The following PTH1R variants were observed in gnomAD, a reference collection of about 807,000 sequenced individuals.
The protein encoded by PTH1R is parathyroid hormone/parathyroid hormone-related peptide receptor.
Under a neutral mutation model 70.7 loss-of-function variants are expected in PTH1R, and 32 were observed. The observed-to-expected ratio is 0.45, with a 90% CI of 0.34 to 0.61. PTH1R has a LOEUF of 0.61. PTH1R is among the 20% of genes least tolerant of loss of function. The pLI is 0.01. For synonymous variants in PTH1R, 329 were observed against 324.8 expected (o/e 1.01, Z -0.14); for missense variants, 626 against 792.5 (o/e 0.79, Z 2.52).
Position 46,882,799 on chromosome 3 carries a change from C to A in PTH1R, c.-48-713C>A, listed in dbSNP as rs2030699191. On this transcript the variant is annotated intron_variant, in intron 2 of 15. Transcript: ENST00000449590. The surrounding 1 kb of genome is among the most constrained non-coding windows in gnomAD (Gnocchi z 4.3). ...GACAGAGCGTCGGGGCCGCTGCGCGCCCGAGCCGCACAGGCGCAAGCGGGG... is the reference window on the plus strand; with the variant it reads ...GACAGAGCGTCGGGGCCGCTGCGCGACCGAGCCGCACAGGCGCAAGCGGGG... Among the ~76,000 whole-genome samples the A allele has an allele frequency of 6.6e-6, 1 of 152,012 alleles. No homozygotes were observed. Among genetic ancestry groups the A allele is most frequent in the South Asian group, 2.1e-4 (1 of 4,830 alleles).
At chr3:46,888,166 A>G (rs1261598583) in intron 3 of PTH1R, among the ~76,000 whole-genome samples, 2 of 152,166 alleles carry the variant, frequency 1.3e-5, no homozygotes, top group East Asian at 1.9e-4. Flanking sequence ...ATAGGTGAAA[A>G]TGGTGTCTCT....
Position 46,902,826 on chromosome 3 carries a change from G to A in PTH1R, c.1395+36G>A. ...GACAGTGTTGGCATAGGGCAGGGTGGGGCAGATACCCCAGAGGCTTCCTCA... is the reference window on the plus strand; with the variant it reads ...GACAGTGTTGGCATAGGGCAGGGTGAGGCAGATACCCCAGAGGCTTCCTCA... On this transcript the variant is annotated intron_variant, in intron 15 of 15. Coordinates refer to ENST00000449590, the MANE Select transcript of PTH1R (RefSeq NM_000316.3). The surrounding 1 kb of genome is among the most constrained non-coding windows in gnomAD (Gnocchi z 5.4). The A allele has an allele frequency of 6.2e-7, 1 of 1,612,586 alleles. No homozygotes were observed. Among genetic ancestry groups the A allele is most frequent in the Non-Finnish European group, 8.5e-7 (1 of 1,179,368 alleles).
Position 46,901,455 on chromosome 3 carries a change from AG to A in PTH1R, c.1093del (p.Val365CysfsTer141), listed in dbSNP as rs1304201852. On this transcript the variant is annotated frameshift_variant, in exon 12 of 16. Coordinates refer to ENST00000449590, the MANE Select transcript of PTH1R (RefSeq NM_000316.3). LOFTEE classifies it high-confidence loss of function. This position sits in a 1 kb window ranked among gnomAD's most constrained non-coding sequence, Gnocchi z 7.3. Reference protein sequence around the residue: ...LSSGNKKWIIQVPILASIVLN... With the variant: ...LSSGNKKWIIXVPILASIVLN... Reference sequence around the variant, plus strand: ...TCCGGGAACAAAAAGTGGATCATCCAGGTGCCCATCCTGGCCTCCATTGTGG... The same window carrying A: ...TCCGGGAACAAAAAGTGGATCATCCAGTGCCCATCCTGGCCTCCATTGTGG... The A allele has an allele frequency of 5.7e-6, 9 of 1,575,500 alleles. No homozygotes were observed. The highest frequency in any genetic ancestry group is 7.8e-6 in the Non-Finnish European group (9 of 1,159,870).
At chr3:46,887,959 A>G (rs7651753) in intron 3 of PTH1R, among the ~76,000 whole-genome samples, 10,162 of 152,162 alleles carry the variant, frequency 0.067, 706 homozygotes, top group African/African-American at 0.18. Flanking sequence ...TCCTAGTAGG[A>G]TATTTCTAGA....
rs961915526 is a variant in PTH1R, at chr3:46,903,778, A to AG, written c.*122_*123insG. 2.4e-4 allele frequency: 357 copies of AG among 1,501,566 alleles called. No individual in the cohort carries two copies. The highest frequency in any genetic ancestry group is 3.0e-4 in the Non-Finnish European group (333 of 1,119,648). The allele number at this position is 1,501,566 out of a possible 1,614,324, so 93.0% of individuals were successfully genotyped here. A position where few individuals can be genotyped will look rare whatever the true frequency, so the allele number is the denominator to read the frequency against. On this transcript the variant is annotated 3_prime_UTR_variant, in exon 16 of 16. Transcript: ENST00000449590. The surrounding 1 kb of genome is among the most constrained non-coding windows in gnomAD (Gnocchi z 4.4). The stretch of plus-strand genomic sequence containing the variant: ...AGGAAAAACAGGGAAAAAAAGAAAA[A>AG]AAAAAGAAAAAGGAAAAGGAAGCGG...
In PTH1R at chr3:46,893,943, A is replaced by G; in HGVS notation, c.112A>G (p.Ile38Val). 1 of 1,614,074 alleles carries G rather than the reference A, an allele frequency of 6.2e-7. No individual in the cohort carries two copies. The highest frequency in any genetic ancestry group is 2.2e-5 in the East Asian group (1 of 44,880). ...TGACGTCATGACTAAAGAGGAACAG[A>G]TCTTCCTGCTGCACCGTGCTCAGGC... ...ADDVMTKEEQ[I>V]FLLHRAQAQC... Residue 38 changes from isoleucine to valine, a missense_variant, in exon 4 of 16, where the codon ATC (isoleucine) becomes GTC (valine). Ile to Val is a conservative substitution (Grantham distance 29). Coordinates refer to ENST00000449590, the MANE Select transcript of PTH1R (RefSeq NM_000316.3). The surrounding 1 kb of genome is among the most constrained non-coding windows in gnomAD (Gnocchi z 5.2).
At chr3:46,881,177 A>T (rs1215042284) in intron 2 of PTH1R, 59 bp downstream of exon 2, 2 of 152,278 alleles carry the variant, frequency 1.3e-5, no homozygotes, top group African/African-American at 4.8e-5. Context: ...GGCCTCATGC[A>T]TTCGCTTCCT....
intron 4 of PTH1R, 46 bp from the exon 5 acceptor site, chr3:46,895,689 G>A: frequency 1.2e-6 from 2 of 1,613,648 alleles, no homozygotes; most frequent in Non-Finnish European, 8.5e-7. Flanking sequence ...TGGGTCTCCT[G>A]TTGTAGCACA....
chr3:46,899,402 A>G lies in PTH1R; in HGVS notation c.934A>G (p.Met312Val). The change falls in exon 10 of 16, where the codon ATG becomes GTG. Residue 312 changes from methionine (M) to valine (V), a missense_variant. Physicochemically the swap from Met to Val is conservative, Grantham distance 21 (BLOSUM62 1). Transcript: ENST00000449590. ...EGLYLHSLIF[M>V]AFFSEKKYLW... ...GCTGTACCTGCACAGCCTCATCTTC[A>G]TGGCCTTCTTCTCAGAGAAGAAGTA... The G allele has an allele frequency of 6.2e-7, 1 of 1,613,796 alleles. No individual in the cohort carries two copies. Among genetic ancestry groups the G allele is most frequent in the Non-Finnish European group, 8.5e-7 (1 of 1,180,010 alleles).
Position 46,901,817 on chromosome 3 carries a change from C to T in PTH1R, c.1168C>T (p.Arg390Trp), listed in dbSNP as rs199627585. 31 of 1,613,958 alleles carry T rather than the reference C, an allele frequency of 1.9e-5. No homozygotes were observed. The highest frequency in any genetic ancestry group is 8.8e-5 in the South Asian group (8 of 91,090). ...CGTCCGGGTGCTCGCCACCAAGCTG[C>T]GGGAGACCAACGCCGGCCGGTGTGA... ...NIVRVLATKL[R>W]ETNAGRCDTR... The change falls in exon 13 of 16, where the codon CGG (arginine) becomes TGG (tryptophan). Residue 390 changes from arginine to tryptophan, a missense_variant. Physicochemically the swap from Arg to Trp is moderately radical, Grantham distance 101. This residue lies in a region of PTH1R where 495 missense variants were observed against 638.7 expected (regional missense o/e 0.77). Transcript: ENST00000449590. The surrounding 1 kb of genome is among the most constrained non-coding windows in gnomAD (Gnocchi z 7.3).
chr3:46,886,413 A>G (rs2031024057), intron 3 of PTH1R, among the ~76,000 whole-genome samples: 1 of 152,084 alleles, frequency 6.6e-6, no homozygotes, highest in South Asian at 2.1e-4. Flanking sequence ...GCTGGAGTGC[A>G]GTAGTGCGAT....
In PTH1R at chr3:46,902,171, G is replaced by A. The variant is rs1182713453; in HGVS notation, c.1211+311G>A. Among the ~76,000 whole-genome samples the A allele has an allele frequency of 6.6e-6, 1 of 152,212 alleles. No individual in the cohort carries two copies. Among genetic ancestry groups the A allele is most frequent in the African/African-American group, 2.4e-5 (1 of 41,454 alleles). On this transcript the variant is annotated intron_variant, in intron 13 of 15. Transcript: ENST00000449590. The surrounding 1 kb of genome is among the most constrained non-coding windows in gnomAD (Gnocchi z 5.4). The stretch of plus-strand genomic sequence containing the variant: ...GGTCTGAGGAACAGGTAGGCGGTGA[G>A]TGGCCCCGGGAAGGCTGCAGCTCAG...
At chr3:46,885,467 C>T (rs1013610167) in intron 3 of PTH1R, among the ~76,000 whole-genome samples, 4 of 152,168 alleles carry the variant, frequency 2.6e-5, no homozygotes, top group South Asian at 2.1e-4. Context: ...TTAACTGGCC[C>T]GAATCACACA....
At position 46,899,471 on chromosome 3, in the gene PTH1R, C is replaced by G; in HGVS notation, c.988+15C>G. 6.2e-7 allele frequency: 1 copy of G among 1,606,538 alleles called. No homozygotes were observed. The highest frequency in any genetic ancestry group is 8.5e-7 in the Non-Finnish European group (1 of 1,176,118). ...CTTCGGCTGGGGTACGCGGGCACAG[C>G]GGGTAGCGAGGTGCCGGCAGGGGTG... is the stretch of plus-strand genomic sequence containing the variant. On this transcript the variant is annotated intron_variant, in intron 10 of 15. Coordinates refer to ENST00000449590, the MANE Select transcript of PTH1R (RefSeq NM_000316.3).
rs200103092 is a variant in PTH1R at position 46,903,554 on chromosome 3, C to T, written c.1680C>T (p.Asp560=). Residue 560 remains aspartate, a synonymous_variant, in exon 16 of 16, where the codon GAC becomes GAT. Transcript: ENST00000449590. This position sits in a 1 kb window ranked among gnomAD's most constrained non-coding sequence, Gnocchi z 4.4. ...CACCTGCCATGGCTGCTCCCAAGGA[C>T]GATGGGTTCCTCAACGGCTCCTGCT... ...TTPPAMAAPK[D]DGFLNGSCSG... 31 of 1,613,870 alleles carry T rather than the reference C, an allele frequency of 1.9e-5. No homozygotes were observed. Among genetic ancestry groups the T allele is most frequent in the Middle Eastern group, 1.6e-4 (1 of 6,084 alleles).
Position 46,898,530 on chromosome 3 carries a change from G to T in PTH1R, c.638+58G>T. 6 of 1,604,366 alleles carry T rather than the reference G, an allele frequency of 3.7e-6. 1 individual carries two copies. The South Asian group carries it at 6.6e-5, about 18-fold the overall frequency. ...TGGTGGAGGGGGGGCGGTGGCCGAG[G>T]TCTGATGCGACCCCCTCCCTGCACC... On this transcript the variant is annotated intron_variant, in intron 8 of 15. Coordinates refer to ENST00000449590, the MANE Select transcript of PTH1R (RefSeq NM_000316.3).
rs899681847 is a variant in PTH1R at position 46,882,973 on chromosome 3, C to G, written c.-48-539C>G. ...GATCGCACCCCCTAACTGCACGCCC[C>G]GCGCGGCTCAGAACGCGCCCCCTGC... On this transcript the variant is annotated intron_variant, in intron 2 of 15. Coordinates refer to ENST00000449590, the MANE Select transcript of PTH1R (RefSeq NM_000316.3). The surrounding 1 kb of genome is among the most constrained non-coding windows in gnomAD (Gnocchi z 4.3). Among the ~76,000 whole-genome samples the G allele has an allele frequency of 1.3e-5, 2 of 151,888 alleles. No individual in the cohort carries two copies. The highest frequency in any genetic ancestry group is 2.9e-5 in the Non-Finnish European group (2 of 67,926).
chr3:46,879,485 G>A lies in PTH1R; in HGVS notation c.-105-1577G>A, dbSNP rs1437643423. ...AGGCCAGGTGCGGTGGTTCATGCCT[G>A]TAATCCCAGCACTTTGGGAGGCCGA... On this transcript the variant is annotated intron_variant, in intron 1 of 15. Coordinates refer to ENST00000449590, the MANE Select transcript of PTH1R (RefSeq NM_000316.3). This position sits in a 1 kb window ranked among gnomAD's most constrained non-coding sequence, Gnocchi z 4.7. Among the ~76,000 whole-genome samples, 2 of 152,198 alleles carry A rather than the reference G, an allele frequency of 1.3e-5. No homozygotes were observed. The highest frequency in any genetic ancestry group is 2.9e-5 in the Non-Finnish European group (2 of 68,038).
intron 4 of PTH1R, 81 bp from the exon 5 acceptor site, chr3:46,895,654 G>A: frequency 6.2e-7 from 1 of 1,607,906 alleles, no homozygotes; most frequent in South Asian, 1.1e-5. Context: ...TGTACAAAGG[G>A]GGAGTCTGAG....
Sources: gnomAD v4.1 joint callset for allele counts (sites outside exome capture counted in the v4.1 genomes callset) on GRCh38, gnomAD v4.1.1 for gene constraint, gnomAD v4.1.1 regional missense constraint, Gnocchi (gnomAD v3.1) non-coding constraint, MANE v1.5 for transcripts, NCBI Gene and HGNC (gene_info 2026-07-23, HGNC 2026-07-21) for gene names.